PPP1R1C: variants seen among roughly 807,000 people sequenced by gnomAD.
PPP1R1C encodes the protein protein phosphatase 1 regulatory inhibitor subunit 1C.
In PPP1R1C, 15 loss-of-function variants were observed where a neutral mutation model predicts 17.4. The ratio of observed to expected loss-of-function variants is 0.86; its 90% CI spans 0.58 to 1.33. The LOEUF (loss-of-function observed/expected upper bound fraction) is 1.33. PPP1R1C is among the 40% of genes most tolerant of loss of function. The probability of loss-of-function intolerance (pLI) is 0.00; values close to 1 mark genes in which losing one functional copy is unlikely to be tolerated. For synonymous variants in PPP1R1C, 35 were observed against 43.1 expected (o/e 0.81, Z 0.73); for missense variants, 143 against 130.0 (o/e 1.10, Z -0.48).
intron 4 of PPP1R1C, among the ~76,000 whole-genome samples, chr2:182,077,701 C>A (rs551562662): frequency 3.7e-4 from 56 of 152,174 alleles, no homozygotes; most frequent in Middle Eastern, 3.4e-3. Context: ...AGTTTTTATC[C>A]CTTGAATAAA....
chr2:182,013,388 A>T (rs1452570190), intron 2 of PPP1R1C, among the ~76,000 whole-genome samples: 7 of 152,112 alleles, frequency 4.6e-5, no homozygotes, highest in African/African-American at 1.7e-4. Flanking sequence ...TTCCATTGAG[A>T]AGTCTGCTGC....
chr2:182,024,250 T>G (rs948278027), intron 2 of PPP1R1C, among the ~76,000 whole-genome samples: 1 of 152,204 alleles, frequency 6.6e-6, no homozygotes, highest in Non-Finnish European at 1.5e-5. Context: ...TTTGTGAGTG[T>G]ATATCAATCC....
chr2:182,078,308 A>G (rs1380954189), intron 4 of PPP1R1C, among the ~76,000 whole-genome samples: 2 of 152,174 alleles, frequency 1.3e-5, no homozygotes, highest in Non-Finnish European at 2.9e-5. Context: ...TAATCATCCA[A>G]GCATATGTAT....
At chr2:182,018,717 G>T (rs1204711635) in intron 2 of PPP1R1C, among the ~76,000 whole-genome samples, 1 of 152,160 alleles carries the variant, frequency 6.6e-6, no homozygotes, top group Admixed American at 6.5e-5. Context: ...AACATGGAGT[G>T]GCATGAAAGT....
In PPP1R1C at chr2:182,008,718, A is replaced by C. The variant is rs1265283479; in HGVS notation, c.142+20819A>C. On this transcript the variant is annotated intron_variant, in intron 2 of 4. Transcript: ENST00000682840. Reference sequence around the variant, plus strand: ...TTAACTTATTTTAAAATGCACAATAAATTATTGTTGACTGTTATCACCCTG... The same window carrying C: ...TTAACTTATTTTAAAATGCACAATACATTATTGTTGACTGTTATCACCCTG... 2.6e-5 allele frequency among the ~76,000 whole-genome samples: 4 copies of C among 152,252 alleles called. No individual in the cohort carries two copies. In the East Asian group the frequency reaches 7.7e-4, roughly 29 times the overall value.
intron 2 of PPP1R1C, among the ~76,000 whole-genome samples, chr2:182,051,949 G>A (rs1046657233): frequency 4.0e-5 from 6 of 151,800 alleles, no homozygotes; most frequent in Middle Eastern, 3.4e-3. Context: ...GCAGTGAGCC[G>A]CTGAGATCGC....
chr2:182,064,357 C>G (rs1687928227), intron 4 of PPP1R1C, among the ~76,000 whole-genome samples: 1 of 152,092 alleles, frequency 6.6e-6, no homozygotes, highest in Admixed American at 6.6e-5. Context: ...CTGTCAGTAT[C>G]TTGACCAACA....
At chr2:182,063,285 G>A (rs1196160) in intron 3 of PPP1R1C, among the ~76,000 whole-genome samples, 112,752 of 151,716 alleles carry the variant, frequency 0.74, 42,157 homozygotes, top group Middle Eastern at 0.77. Flanking sequence ...AAAGATTGCT[G>A]TTACTTTCCA....
chr2:182,097,337 C>G (rs577920581), intron 4 of PPP1R1C, among the ~76,000 whole-genome samples: 3 of 152,172 alleles, frequency 2.0e-5, no homozygotes, highest in Non-Finnish European at 4.4e-5. Context: ...CACTCCTGAA[C>G]ACATACACTC....
intron 2 of PPP1R1C, among the ~76,000 whole-genome samples, chr2:181,997,143 G>C (rs543772446): frequency 3.4e-4 from 52 of 151,764 alleles, no homozygotes; most frequent in African/African-American, 1.2e-3. Context: ...GCAGGAGAAA[G>C]GCGTGAACCC....
intron 2 of PPP1R1C, among the ~76,000 whole-genome samples, chr2:182,007,421 A>T (rs1214593897): frequency 6.6e-6 from 1 of 152,204 alleles, no homozygotes; most frequent in Non-Finnish European, 1.5e-5. Flanking sequence ...ATCCAATTGA[A>T]ATTCCATTCT....
At chr2:182,103,709 TG>T (rs1689165777) in intron 4 of PPP1R1C, 1 of 152,180 alleles carries the variant, frequency 6.6e-6, no homozygotes, top group Non-Finnish European at 1.5e-5. Context: ...GTAAACTGCA[TG>T]TCCTCAGGTC....
intron 2 of PPP1R1C, among the ~76,000 whole-genome samples, chr2:182,016,374 T>C (rs1273599026): frequency 6.6e-6 from 1 of 152,162 alleles, no homozygotes; most frequent in Non-Finnish European, 1.5e-5. Context: ...TCTTATGAAG[T>C]TGCTTTCTTG....
intron 1 of PPP1R1C, among the ~76,000 whole-genome samples, 191 bp from the exon 2 acceptor site, chr2:181,987,648 T>C (rs1369880657): frequency 6.6e-6 from 1 of 152,246 alleles, no homozygotes; most frequent in Non-Finnish European, 1.5e-5. Flanking sequence ...GTGATACTTC[T>C]ATCAGACAGT....
At chr2:182,117,938 T>C (rs2125238478), downstream of PPP1R1C, 1 of 152,256 alleles carries the variant, frequency 6.6e-6, no homozygotes, top group African/African-American at 2.4e-5. Flanking sequence ...TTTTCTAAGC[T>C]GCAAGATATA....
intron 4 of PPP1R1C, among the ~76,000 whole-genome samples, chr2:182,114,602 C>T (rs1427179863): frequency 6.6e-6 from 1 of 152,070 alleles, no homozygotes; most frequent in East Asian, 1.9e-4. Flanking sequence ...ACACATCAAC[C>T]AATTGTTCAT....
chr2:182,030,559 A>G (rs1313526843), intron 2 of PPP1R1C, among the ~76,000 whole-genome samples: 13 of 150,310 alleles, frequency 8.6e-5, no homozygotes, highest in Admixed American at 2.0e-4. Context: ...TTGAGGAGGC[A>G]GTCTGCCCGT....
In PPP1R1C at chr2:182,063,798, T is replaced by A. The variant is rs978385651; in HGVS notation, c.241+7T>A. On this transcript the variant is annotated splice_region_variant and intron_variant, in intron 4 of 4. Coordinates refer to ENST00000682840, the MANE Select transcript of PPP1R1C (RefSeq NM_001080545.3). ...ACACCACCCACCATAAAAGGTACTG[T>A]TCAGGTACTGTTTCGGGTTGTCATG... 4 of 1,611,420 alleles carry A rather than the reference T, an allele frequency of 2.5e-6. No homozygotes were observed. Among genetic ancestry groups the A allele is most frequent in the Middle Eastern group, 1.7e-4 (1 of 6,050 alleles).
upstream of PPP1R1C, among the ~76,000 whole-genome samples, chr2:181,983,473 TA>T (rs930337223): frequency 5.3e-5 from 8 of 152,158 alleles, no homozygotes; most frequent in South Asian, 2.1e-4. Context: ...CTAATAGGGA[TA>T]AAAAAATGTG....
Sources: gnomAD v4.1 joint callset for allele counts (sites outside exome capture counted in the v4.1 genomes callset) on GRCh38, gnomAD v4.1.1 for gene constraint, MANE v1.5 for transcripts, NCBI Gene and HGNC (gene_info 2026-07-23, HGNC 2026-07-21) for gene names.